CCDC87: variants seen among roughly 807,000 people sequenced by gnomAD.
CCDC87 encodes the protein coiled-coil domain containing 87.
For missense variants in CCDC87, 1,072 were observed against 1,041.7 expected, an observed-to-expected ratio of 1.03 and a Z score of -0.40; for synonymous variants, 434 against 440.2, an observed-to-expected ratio of 0.99 and a Z score of 0.18.
Position 66,592,256 on chromosome 11 carries a change from A to G in CCDC87, c.760T>C (p.Ser254Pro). 6.2e-7 allele frequency: 1 copy of G among 1,614,088 alleles called. No homozygotes were observed. Among genetic ancestry groups the G allele is most frequent in the Non-Finnish European group, 8.5e-7 (1 of 1,179,988 alleles). The change falls in exon 1 of 1, where the codon TCC becomes CCC. Residue 254 changes from serine (S) to proline (P), a missense_variant. Physicochemically the swap from Ser to Pro is moderately conservative, Grantham distance 74. Transcript: ENST00000333861. ...GRMDPVKELK[S>P]IPRLKRKKPF... ...TTTTTCCTCTTCAACCGAGGGATGGACTTCAATTCCTTCACTGGATCCATC... is the reference window on the plus strand; with the variant it reads ...TTTTTCCTCTTCAACCGAGGGATGGGCTTCAATTCCTTCACTGGATCCATC...
rs1184585963 is a variant in CCDC87, at chr11:66,592,313, G to A, written c.703C>T (p.Arg235Cys). ...GGCTCATTGAGAAACTCTGGTGGAC[G>A]GCTGAGTTGGATGAGGTAGTTCAGG... ...LNLNYLIQLS[R>C]PPEFLNEPGR... Residue 235 changes from arginine to cysteine, a missense_variant, in exon 1 of 1, where the codon CGT becomes TGT. Arg to Cys is a radical substitution (Grantham distance 180). Coordinates refer to ENST00000333861, the MANE Select transcript of CCDC87 (RefSeq NM_018219.3). 1.9e-6 allele frequency: 3 copies of A among 1,614,198 alleles called. No individual in the cohort carries two copies. The highest frequency in any genetic ancestry group is 2.5e-6 in the Non-Finnish European group (3 of 1,180,020).
chr11:66,590,365 A>C lies in CCDC87; in HGVS notation c.*101T>G, dbSNP rs2134972206. On this transcript the variant is annotated 3_prime_UTR_variant, in exon 1 of 1. Coordinates refer to ENST00000333861, the MANE Select transcript of CCDC87 (RefSeq NM_018219.3). ...AGACAAATATTTCTTCTTCCAAAGC[A>C]GTAAAGAGGTCTAGATGAGCTGCTG... 4.8e-6 allele frequency: 4 copies of C among 827,410 alleles called. No homozygotes were observed. The East Asian group carries it at 9.8e-5, about 20-fold the overall frequency. The allele number at this position is 827,410 out of a possible 1,614,324, so 51.3% of individuals were successfully genotyped here. A position where few individuals can be genotyped will look rare whatever the true frequency, so the allele number is the denominator to read the frequency against.
rs756825207 is a variant in CCDC87 at position 66,592,899 on chromosome 11, C to CG, written c.116dup (p.Gln40AlafsTer39). ...AGGACTGCAGAATCCGGCCCTCCTG[C>CG]GGGGGGCGCTTCTGAGGCTCTGGGG... On this transcript the variant is annotated frameshift_variant, in exon 1 of 1. Coordinates refer to ENST00000333861, the MANE Select transcript of CCDC87 (RefSeq NM_018219.3). LOFTEE classifies it low-confidence loss of function (END_TRUNC). 1.4e-5 allele frequency: 22 copies of CG among 1,534,144 alleles called. No individual in the cohort carries two copies. The East Asian group carries it at 1.8e-4, about 13-fold the overall frequency.
At position 66,592,912 on chromosome 11, in the gene CCDC87, T is replaced by G. The variant is rs773858158; in HGVS notation, c.104A>C (p.Gln35Pro). 44 of 1,530,046 alleles carry G rather than the reference T, an allele frequency of 2.9e-5. No homozygotes were observed. Among genetic ancestry groups the G allele is most frequent in the Middle Eastern group, 1.8e-4 (1 of 5,654 alleles). The allele number at this position is 1,530,046 out of a possible 1,614,324, so 94.8% of individuals were successfully genotyped here. ...FPTRTTSPEP[Q>P]KRPPQEGRIL... ...CCGGCCCTCCTGCGGGGGGCGCTTC[T>G]GAGGCTCTGGGGACGTCGTCCTAGT... The change falls in exon 1 of 1, where the codon CAG becomes CCG. Residue 35 changes from glutamine to proline, a missense_variant. Coordinates refer to ENST00000333861, the MANE Select transcript of CCDC87 (RefSeq NM_018219.3).
chr11:66,591,347 G>C lies in CCDC87; in HGVS notation c.1669C>G (p.Gln557Glu). The stretch of plus-strand genomic sequence containing the variant: ...GAGGGCATCTTCTTAGTATTGGACT[G>C]TAAAGTGTTTGCTCTCTGGGAGTAA... ...GLYSQRANTL[Q>E]SNTKKMPSLP... is the part of the protein sequence containing the mutation. Residue 557 changes from glutamine (Q) to glutamate (E), a missense_variant, in exon 1 of 1, where the codon CAG becomes GAG. Coordinates refer to ENST00000333861, the MANE Select transcript of CCDC87 (RefSeq NM_018219.3). The C allele has an allele frequency of 6.2e-7, 1 of 1,614,180 alleles. No individual in the cohort carries two copies. Among genetic ancestry groups the C allele is most frequent in the Non-Finnish European group, 8.5e-7 (1 of 1,180,032 alleles).
In CCDC87 at chr11:66,590,921, C is replaced by T. The variant is rs1234086579; in HGVS notation, c.2095G>A (p.Val699Met). ...GAGCTATATTTAATGGTCATGTCCACCTGGTCCTTGTCAGGGACCTCAAGC... is the reference window on the plus strand; with the variant it reads ...GAGCTATATTTAATGGTCATGTCCATCTGGTCCTTGTCAGGGACCTCAAGC... ...SVLEVPDKDQ[V>M]DMTIKYSSKA... The change falls in exon 1 of 1, where the codon GTG becomes ATG. Residue 699 changes from valine (V) to methionine (M), a missense_variant. Coordinates refer to ENST00000333861, the MANE Select transcript of CCDC87 (RefSeq NM_018219.3). 3.1e-6 allele frequency: 5 copies of T among 1,613,460 alleles called. No homozygotes were observed. The Admixed American group carries it at 8.3e-5, about 27-fold the overall frequency.
Position 66,590,875 on chromosome 11 carries a change from A to G in CCDC87, c.2141T>C (p.Leu714Pro). 6.2e-7 allele frequency: 1 copy of G among 1,613,972 alleles called. No individual in the cohort carries two copies. Among genetic ancestry groups the G allele is most frequent in the Non-Finnish European group, 8.5e-7 (1 of 1,180,052 alleles). The change falls in exon 1 of 1, where the codon CTG becomes CCG. Residue 714 changes from leucine (L) to proline (P), a missense_variant. Physicochemically the swap from Leu to Pro is moderately conservative, Grantham distance 98. Coordinates refer to ENST00000333861, the MANE Select transcript of CCDC87 (RefSeq NM_018219.3). ...KYSSKARLRQ[L>P]PSLVNAWERA... ...CTCCCAGGCATTCACCAATGAAGGC[A>G]GCTGCCTCAGGCGGGCTTTGGAGCT...
At position 66,590,429 on chromosome 11, in the gene CCDC87, C is replaced by T. The variant is rs1348986160; in HGVS notation, c.*37G>A. On this transcript the variant is annotated 3_prime_UTR_variant, in exon 1 of 1. Transcript: ENST00000333861. ...GAGGGAGGCATTTGAGGGCACTGGG[C>T]CTGGTCAAGGAGTAATAGGGGTATT... 1 of 1,517,680 alleles carries T rather than the reference C, an allele frequency of 6.6e-7. No individual in the cohort carries two copies. The highest frequency in any genetic ancestry group is 1.3e-5 in the South Asian group (1 of 78,736). 94.0% of individuals were successfully genotyped at this position (1,517,680 alleles called of 1,614,324 possible). A position where few individuals can be genotyped will look rare whatever the true frequency, so the allele number is the denominator to read the frequency against.
At position 66,592,703 on chromosome 11, in the gene CCDC87, T is replaced by C. The variant is rs775189445; in HGVS notation, c.313A>G (p.Ser105Gly). The C allele has an allele frequency of 6.2e-7, 1 of 1,614,102 alleles. No homozygotes were observed. Among genetic ancestry groups the C allele is most frequent in the Non-Finnish European group, 8.5e-7 (1 of 1,180,032 alleles). Residue 105 changes from serine to glycine, a missense_variant, in exon 1 of 1, where the codon AGC becomes GGC. Physicochemically the swap from Ser to Gly is moderately conservative, Grantham distance 56. Transcript: ENST00000333861. Reference protein sequence around the residue: ...WREPPAELSLSHKNNQKLRKR... With the variant: ...WREPPAELSLGHKNNQKLRKR... ...CGCAGCTTCTGGTTGTTTTTGTGGCTCAGACTAAGTTCGGCGGGCGGCTCC... is the reference window on the plus strand; with the variant it reads ...CGCAGCTTCTGGTTGTTTTTGTGGCCCAGACTAAGTTCGGCGGGCGGCTCC...
chr11:66,590,249 C>T lies in CCDC87; in HGVS notation c.*217G>A, dbSNP rs1163073333. 35 of 527,994 alleles carry T rather than the reference C, an allele frequency of 6.6e-5. No individual in the cohort carries two copies. Among genetic ancestry groups the T allele is most frequent in the Non-Finnish European group, 1.2e-4 (35 of 302,768 alleles). 32.7% of individuals were successfully genotyped at this position (527,994 alleles called of 1,614,324 possible). On this transcript the variant is annotated 3_prime_UTR_variant, in exon 1 of 1. Transcript: ENST00000333861. ...GGACTACTAGGCTTGGGGATTCTTT[C>T]ATGAGAATTTCACTAAGAAAACAAT...
chr11:66,592,683 C>T lies in CCDC87; in HGVS notation c.333G>A (p.Lys111=), dbSNP rs746882555. 5 of 1,614,014 alleles carry T rather than the reference C, an allele frequency of 3.1e-6. No individual in the cohort carries two copies. In the African/African-American group the frequency reaches 5.3e-5, roughly 17 times the overall value. The stretch of plus-strand genomic sequence containing the variant: ...CGTAGGCCTCGAGCCGCTTCCGCAG[C>T]TTCTGGTTGTTTTTGTGGCTCAGAC... ...ELSLSHKNNQ[K]LRKRLEAYVL... is the part of the protein sequence containing the mutation. The change falls in exon 1 of 1, where the codon AAG becomes AAA. Residue 111 remains lysine (K), a synonymous_variant. Transcript: ENST00000333861.
rs763107129 is a variant in CCDC87, at chr11:66,592,009, G to A, written c.1007C>T (p.Thr336Ile). Residue 336 changes from threonine (T) to isoleucine (I), a missense_variant, in exon 1 of 1, where the codon ACC becomes ATC. By Grantham distance (89) the Thr-to-Ile change is moderately conservative. Transcript: ENST00000333861. Reference sequence around the variant, plus strand: ...GCTCTCTGTAGCCAAGACCAGCGGGGTTAAGGGGCGAGATGGGAGTGGAGG... The same window carrying A: ...GCTCTCTGTAGCCAAGACCAGCGGGATTAAGGGGCGAGATGGGAGTGGAGG... ...GLPPLPSRPLTPLVLATESKP... is the reference protein window; with the variant it reads ...GLPPLPSRPLIPLVLATESKP... 1 of 1,613,954 alleles carries A rather than the reference G, an allele frequency of 6.2e-7. No homozygotes were observed. The highest frequency in any genetic ancestry group is 1.1e-5 in the South Asian group (1 of 91,086).
At position 66,592,523 on chromosome 11, in the gene CCDC87, A is replaced by T; in HGVS notation, c.493T>A (p.Phe165Ile). 3 of 1,613,462 alleles carry T rather than the reference A, an allele frequency of 1.9e-6. No individual in the cohort carries two copies. Among genetic ancestry groups the T allele is most frequent in the Non-Finnish European group, 2.5e-6 (3 of 1,180,024 alleles). Residue 165 changes from phenylalanine to isoleucine, a missense_variant, in exon 1 of 1, where the codon TTC becomes ATC. By Grantham distance (21) the Phe-to-Ile change is conservative (BLOSUM62 0). Coordinates refer to ENST00000333861, the MANE Select transcript of CCDC87 (RefSeq NM_018219.3). ...CGGTAGACGTTGGGACTAGTAAGGAAGAGTGTGCAGTCCCTGGCGAGGCTG... is the reference window on the plus strand; with the variant it reads ...CGGTAGACGTTGGGACTAGTAAGGATGAGTGTGCAGTCCCTGGCGAGGCTG... ...AASLARDCTL[F>I]LTSPNVYRGL...
rs1858325353 is a variant in CCDC87 at position 66,590,283 on chromosome 11, T to A, written c.*183A>T. ...TTCACTAAGAAAACAATAGTTTTAG[T>A]CTCAATCCCTTCATAGTTGGAAGCA... On this transcript the variant is annotated 3_prime_UTR_variant, in exon 1 of 1. Transcript: ENST00000333861. The A allele has an allele frequency of 1.8e-6, 1 of 567,458 alleles. No individual in the cohort carries two copies. Among genetic ancestry groups the A allele is most frequent in the Non-Finnish European group, 3.1e-6 (1 of 322,720 alleles). 35.2% of individuals were successfully genotyped at this position (567,458 alleles called of 1,614,324 possible).
Position 66,590,858 on chromosome 11 carries a change from C to A in CCDC87, c.2158G>T (p.Ala720Ser). ...RLRQLPSLVN[A>S]WERALKPIQL... Reference sequence around the variant, plus strand: ...ATGGGCTTCAGGGCCCGCTCCCAGGCATTCACCAATGAAGGCAGCTGCCTC... The same window carrying A: ...ATGGGCTTCAGGGCCCGCTCCCAGGAATTCACCAATGAAGGCAGCTGCCTC... Residue 720 changes from alanine (A) to serine (S), a missense_variant, in exon 1 of 1, where the codon GCC becomes TCC. Physicochemically the swap from Ala to Ser is moderately conservative, Grantham distance 99. Coordinates refer to ENST00000333861, the MANE Select transcript of CCDC87 (RefSeq NM_018219.3). The A allele has an allele frequency of 1.2e-6, 2 of 1,613,992 alleles. No individual in the cohort carries two copies. Among genetic ancestry groups the A allele is most frequent in the Non-Finnish European group, 1.7e-6 (2 of 1,180,044 alleles).
rs1428992555 is a variant in CCDC87 at position 66,590,266 on chromosome 11, G to A, written c.*200C>T. 5.6e-6 allele frequency: 3 copies of A among 539,026 alleles called. No homozygotes were observed. The highest frequency in any genetic ancestry group is 9.7e-6 in the Non-Finnish European group (3 of 309,018). 33.4% of individuals were successfully genotyped at this position (539,026 alleles called of 1,614,324 possible). A position where few individuals can be genotyped will look rare whatever the true frequency, so the allele number is the denominator to read the frequency against. ...GATTCTTTCATGAGAATTTCACTAA[G>A]AAAACAATAGTTTTAGTCTCAATCC... On this transcript the variant is annotated 3_prime_UTR_variant, in exon 1 of 1. Transcript: ENST00000333861.
chr11:66,592,162 G>A lies in CCDC87; in HGVS notation c.854C>T (p.Ser285Leu), dbSNP rs141059944. Residue 285 changes from serine (S) to leucine (L), a missense_variant, in exon 1 of 1, where the codon TCG becomes TTG. Physicochemically the swap from Ser to Leu is moderately radical, Grantham distance 145. Coordinates refer to ENST00000333861, the MANE Select transcript of CCDC87 (RefSeq NM_018219.3). ...EIDISSSQMV[S>L]LPSYPVAPTS... The stretch of plus-strand genomic sequence containing the variant: ...GGGGGCCACAGGATAGCTGGGCAGC[G>A]ACACCATCTGTGAGGAACTGATGTC... The A allele has an allele frequency of 2.5e-6, 4 of 1,588,690 alleles. No homozygotes were observed. Among genetic ancestry groups the A allele is most frequent in the African/African-American group, 1.3e-5 (1 of 74,444 alleles).
chr11:66,592,631 A>G lies in CCDC87; in HGVS notation c.385T>C (p.Leu129=), dbSNP rs1361468507. 1.9e-6 allele frequency: 3 copies of G among 1,613,904 alleles called. No individual in the cohort carries two copies. The highest frequency in any genetic ancestry group is 2.5e-6 in the Non-Finnish European group (3 of 1,179,990). The change falls in exon 1 of 1, where the codon TTG becomes CTG. Residue 129 remains leucine (L), a synonymous_variant. Coordinates refer to ENST00000333861, the MANE Select transcript of CCDC87 (RefSeq NM_018219.3). ...GTCACCAGCAGGTGCAGGTAGCGCA[A>G]GAAGAGCTGCTCGCTGCTCAGCAGC... ...YVLLSSEQLF[L]RYLHLLVTMS...
In CCDC87 at chr11:66,592,190, T is replaced by C. The variant is rs1037624256; in HGVS notation, c.826A>G (p.Ile276Val). ...WLPSIGKKRE[I>V]DISSSQMVSL... ...ACCATCTGTGAGGAACTGATGTCGATTTCTCTCTTCTTTCCTATGGAGGGC... is the reference window on the plus strand; with the variant it reads ...ACCATCTGTGAGGAACTGATGTCGACTTCTCTCTTCTTTCCTATGGAGGGC... The change falls in exon 1 of 1, where the codon ATC becomes GTC. Residue 276 changes from isoleucine (I) to valine (V), a missense_variant. By Grantham distance (29) the Ile-to-Val change is conservative (BLOSUM62 3). Coordinates refer to ENST00000333861, the MANE Select transcript of CCDC87 (RefSeq NM_018219.3). 2.5e-6 allele frequency: 4 copies of C among 1,601,026 alleles called. No individual in the cohort carries two copies. Among genetic ancestry groups the C allele is most frequent in the Non-Finnish European group, 3.4e-6 (4 of 1,173,796 alleles).
Sources: gnomAD v4.1 joint callset for allele counts on GRCh38, gnomAD v4.1.1 for gene constraint, MANE v1.5 for transcripts, NCBI Gene and HGNC (gene_info 2026-07-23, HGNC 2026-07-21) for gene names.